UGT1A8: variants seen among roughly 807,000 people sequenced by gnomAD.
UGT1A8 encodes UDP-glucuronosyltransferase 1A8.
A neutral mutation model predicts 45.3 loss-of-function variants in UGT1A8; 39 were observed. The observed-to-expected ratio is 0.86, with a 90% CI of 0.67 to 1.12. The LOEUF (loss-of-function observed/expected upper bound fraction) is 1.12. Among genes scored for constraint, UGT1A8 ranks in the 50% most tolerant of loss-of-function variants. UGT1A8 has a pLI of 0.00. For synonymous variants in UGT1A8, 275 were observed against 249.2 expected (o/e 1.10, Z -0.97); for missense variants, 719 against 664.9 (o/e 1.08, Z -0.90).
At chr2:233,709,432 G>A (rs2076076641) in intron 1 of UGT1A8, among the ~76,000 whole-genome samples, 1 of 152,082 alleles carries the variant, frequency 6.6e-6, no homozygotes, top group African/African-American at 2.4e-5. Context: ...CCTCCAGAAA[G>A]GATGACCTGC....
intron 1 of UGT1A8, among the ~76,000 whole-genome samples, chr2:233,658,016 CT>C (rs1298030485): frequency 8.4e-6 from 1 of 118,872 alleles, no homozygotes; most frequent in Non-Finnish European, 1.7e-5. Context: ...TAGTTTCCTC[CT>C]CTTTTTTTTT....
intron 1 of UGT1A8, among the ~76,000 whole-genome samples, chr2:233,629,551 T>A (rs1400404652): frequency 6.6e-6 from 1 of 152,134 alleles, no homozygotes; most frequent in Non-Finnish European, 1.5e-5. Flanking sequence ...TTTAAAATTT[T>A]TGCATCTAAG....
chr2:233,624,040 A>G (rs2073055434), intron 1 of UGT1A8, among the ~76,000 whole-genome samples: 2 of 152,188 alleles, frequency 1.3e-5, no homozygotes, highest in Non-Finnish European at 2.9e-5. Context: ...CAAATAGTTC[A>G]GAGAATTCTT....
chr2:233,668,405 A>G (rs1257789764), intron 1 of UGT1A8, among the ~76,000 whole-genome samples: 3 of 152,196 alleles, frequency 2.0e-5, no homozygotes, highest in East Asian at 1.9e-4. Context: ...TTATGGCTGC[A>G]TAGTATTCCA....
chr2:233,632,186 TG>T, intron 1 of UGT1A8, among the ~76,000 whole-genome samples: 1 of 152,314 alleles, frequency 6.6e-6, no homozygotes, highest in East Asian at 1.9e-4. Flanking sequence ...TCAGTTCCAT[TG>T]GTCTATATAT....
intron 1 of UGT1A8, among the ~76,000 whole-genome samples, chr2:233,683,942 T>C (rs2074656989): frequency 6.6e-6 from 1 of 152,210 alleles, no homozygotes; most frequent in Non-Finnish European, 1.5e-5. Context: ...ATATTGTTGG[T>C]CTAGCCAGCT....
At chr2:233,636,787 G>A (rs267599268) in intron 1 of UGT1A8, 1 of 1,614,180 alleles carries the variant, frequency 6.2e-7, no homozygotes, top group Non-Finnish European at 8.5e-7. Flanking sequence ...TCAGAACCGG[G>A]AATTCATGGT....
At chr2:233,745,894 T>G (rs1160883177) in intron 1 of UGT1A8, among the ~76,000 whole-genome samples, 1 of 150,898 alleles carries the variant, frequency 6.6e-6, no homozygotes, top group African/African-American at 2.5e-5. Context: ...TGGGGTGGCG[T>G]TTTTCAGGGA....
chr2:233,737,711 C>T (rs2078913752), intron 1 of UGT1A8, among the ~76,000 whole-genome samples: 1 of 152,172 alleles, frequency 6.6e-6, no homozygotes, highest in Admixed American at 6.5e-5. Flanking sequence ...GTTCTCCTCT[C>T]CAACACCTCC....
intron 1 of UGT1A8, among the ~76,000 whole-genome samples, chr2:233,639,522 C>T (rs2073391531): frequency 6.6e-6 from 1 of 152,154 alleles, no homozygotes; most frequent in African/African-American, 2.4e-5. Context: ...TGCTGGGAAA[C>T]AGGATTCAGA....
intron 1 of UGT1A8, among the ~76,000 whole-genome samples, chr2:233,631,817 T>C (rs1294781147): frequency 6.6e-6 from 1 of 152,230 alleles, no homozygotes; most frequent in Non-Finnish European, 1.5e-5. Context: ...TCTTTTGCTG[T>C]GCAGAAGCTG....
intron 1 of UGT1A8, chr2:233,728,967 A>C: frequency 8.9e-6 from 13 of 1,466,634 alleles, no homozygotes; most frequent in Non-Finnish European, 1.2e-5. Flanking sequence ...AAAAACAGTG[A>C]TAGATTAATG....
rs116287140 is a variant in UGT1A8, at chr2:233,728,043, T to C, written c.856-38991T>C. 7.7e-3 allele frequency among the ~76,000 whole-genome samples: 1,172 copies of C among 152,330 alleles called. 16 individuals are homozygous for C. The highest frequency in any genetic ancestry group is 0.027 in the African/African-American group (1,131 of 41,566). On this transcript the variant is annotated intron_variant, in intron 1 of 4. Transcript: ENST00000373450. ...GTGACTTTCTGGAGTAGGATAAGCC[T>C]CATTGGGCTTGAGGCCCTTGTGAGT...
intron 1 of UGT1A8, among the ~76,000 whole-genome samples, chr2:233,720,881 T>C (rs1341261377): frequency 6.6e-6 from 1 of 150,882 alleles, no homozygotes; most frequent in Non-Finnish European, 1.5e-5. Flanking sequence ...ATTTTTTTTT[T>C]TTTTTTTTTA....
chr2:233,728,748 G>A (rs2077747178), intron 1 of UGT1A8, among the ~76,000 whole-genome samples: 1 of 152,206 alleles, frequency 6.6e-6, no homozygotes, highest in African/African-American at 2.4e-5. Flanking sequence ...TAGGGCAATG[G>A]TGACTCCTCA....
chr2:233,693,069 G>T, intron 1 of UGT1A8: 2 of 1,614,148 alleles, frequency 1.2e-6, no homozygotes, highest in Middle Eastern at 1.6e-4. Context: ...GCACTTTGGG[G>T]CATGGTTGTA....
rs527483899 is a variant in UGT1A8 at position 233,768,298 on chromosome 2, T to C, written c.1154T>C (p.Met385Thr). Reference sequence around the variant, plus strand: ...GAAAGCATATGCAATGGCGTTCCCATGGTGATGATGCCCTTGTTTGGTGAT... The same window carrying C: ...GAAAGCATATGCAATGGCGTTCCCACGGTGATGATGCCCTTGTTTGGTGAT... ...VYESICNGVP[M>T]VMMPLFGDQM... The change falls in exon 4 of 5, where the codon ATG becomes ACG. Residue 385 changes from methionine to threonine, a missense_variant. Physicochemically the swap from Met to Thr is moderately conservative, Grantham distance 81. Coordinates refer to ENST00000373450, the MANE Select transcript of UGT1A8 (RefSeq NM_019076.5). 2.2e-5 allele frequency: 35 copies of C among 1,614,192 alleles called. No individual in the cohort carries two copies. In the South Asian group the frequency reaches 3.4e-4, roughly 16 times the overall value.
intron 1 of UGT1A8, among the ~76,000 whole-genome samples, chr2:233,699,277 G>C (rs571854472): frequency 2.9e-4 from 44 of 152,142 alleles, no homozygotes; most frequent in African/African-American, 1.1e-3. Context: ...CTTGAATCCA[G>C]GCCAGATGCT....
chr2:233,649,600 C>A (rs1054819055), intron 1 of UGT1A8, among the ~76,000 whole-genome samples: 13 of 152,102 alleles, frequency 8.5e-5, no homozygotes, highest in African/African-American at 2.9e-4. Flanking sequence ...GCCAGTAAAC[C>A]AGAGACATCT....
Sources: allele counts gnomAD v4.1 joint callset (sites outside exome capture counted in the v4.1 genomes callset), GRCh38; gene constraint gnomAD v4.1.1; transcripts MANE v1.5; gene names NCBI Gene and HGNC (gene_info 2026-07-23, HGNC 2026-07-21).